POLR1E: variants seen among roughly 807,000 people sequenced by gnomAD.
POLR1E encodes DNA-directed RNA polymerase I subunit RPA49.
In POLR1E, 37 loss-of-function variants were observed where a neutral mutation model predicts 50.9. That is an observed-to-expected ratio of 0.73 (90% CI 0.56 to 0.96). POLR1E has a LOEUF of 0.96. Among genes scored for constraint, POLR1E ranks in the 40% least tolerant of loss-of-function variants. The pLI, the probability that POLR1E is intolerant of heterozygous loss-of-function variation, is 0.00. For synonymous variants in POLR1E, 166 were observed against 191.6 expected (o/e 0.87, Z 1.10); for missense variants, 426 against 518.1 (o/e 0.82, Z 1.73).
At chr9:37,497,981 G>A (rs1820813585) in intron 8 of POLR1E, 110 bp from the exon 9 acceptor site, 4 of 1,266,268 alleles carry the variant, frequency 3.2e-6, no homozygotes, top group Non-Finnish European at 3.3e-6. Flanking sequence ...ATCAGCTGTT[G>A]AGTGCGTCGG....
At chr9:37,499,321 A>T (rs966474309) in intron 9 of POLR1E, among the ~76,000 whole-genome samples, 7 of 152,016 alleles carry the variant, frequency 4.6e-5, no homozygotes, top group Non-Finnish European at 8.8e-5. Flanking sequence ...GCTATTTGGG[A>T]GGCTGAAGCA....
intron 4 of POLR1E, among the ~76,000 whole-genome samples, chr9:37,491,449 A>G (rs1044490447): frequency 1.3e-5 from 2 of 150,412 alleles, no homozygotes; most frequent in Admixed American, 6.7e-5. Context: ...TTTTTTTAAT[A>G]TGGGATTTTA....
At chr9:37,487,991 G>A (rs1820609432) in intron 3 of POLR1E, 52 bp downstream of exon 3, 1 of 1,551,574 alleles carries the variant, frequency 6.4e-7, no homozygotes, top group African/African-American at 1.4e-5. Flanking sequence ...GGGAGTGGTG[G>A]CAGCACTGGC....
chr9:37,486,251 C>T (rs1820572727), intron 1 of POLR1E, 128 bp downstream of exon 1: 4 of 1,297,720 alleles, frequency 3.1e-6, no homozygotes, highest in African/African-American at 1.5e-5. Flanking sequence ...GTCTCCACCA[C>T]TCCCCTGGGC....
At chr9:37,492,969 A>T (rs1820712220) in intron 5 of POLR1E, among the ~76,000 whole-genome samples, 1 of 152,214 alleles carries the variant, frequency 6.6e-6, no homozygotes, top group South Asian at 2.1e-4. Context: ...CTGGGCTGAT[A>T]CAAGTGTAGC....
chr9:37,493,374 A>G (rs755957268), intron 5 of POLR1E, among the ~76,000 whole-genome samples, 185 bp from the exon 6 acceptor site: 3 of 152,168 alleles, frequency 2.0e-5, no homozygotes, highest in Non-Finnish European at 4.4e-5. Flanking sequence ...CTGTTGATTG[A>G]TCAATCTGTT....
chr9:37,490,689 A>T (rs145854942), intron 4 of POLR1E: 15 of 696,430 alleles, frequency 2.2e-5, no homozygotes, highest in African/African-American at 1.9e-4. Flanking sequence ...TGCCAGCAGC[A>T]TGCTAAACTG....
chr9:37,503,393 A>G lies in POLR1E; in HGVS notation c.*191A>G, dbSNP rs564422077. On this transcript the variant is annotated 3_prime_UTR_variant, in exon 12 of 12. Transcript: ENST00000377798. The stretch of plus-strand genomic sequence containing the variant: ...GGAGTTTGAAACCAGTCTGGACAAC[A>G]TAGGGAGACCCCATCTCTACCGGAG... 6 of 545,688 alleles carry G rather than the reference A, an allele frequency of 1.1e-5. No individual in the cohort carries two copies. The South Asian group carries it at 1.5e-4, about 14-fold the overall frequency. The allele number at this position is 545,688 out of a possible 1,614,324, so 33.8% of individuals were successfully genotyped here.
Position 37,498,139 on chromosome 9 carries a change from G to A in POLR1E, c.801G>A (p.Val267=). 6.2e-7 allele frequency: 1 copy of A among 1,613,992 alleles called. No individual in the cohort carries two copies. Among genetic ancestry groups the A allele is most frequent in the Non-Finnish European group, 8.5e-7 (1 of 1,179,948 alleles). ...CGTTGAAGTCTTTGCCATCAGATGTGGAGAGCCGAGACCGCCAGGCCCGAT... is the reference window on the plus strand; with the variant it reads ...CGTTGAAGTCTTTGCCATCAGATGTAGAGAGCCGAGACCGCCAGGCCCGAT... ...IEALKSLPSD[V]ESRDRQARCI... is the part of the protein sequence containing the mutation. Residue 267 remains valine, a synonymous_variant, in exon 9 of 12, where the codon GTG becomes GTA. Coordinates refer to ENST00000377798, the MANE Select transcript of POLR1E (RefSeq NM_022490.4).
At chr9:37,496,346 C>T (rs1820784910) in intron 8 of POLR1E, among the ~76,000 whole-genome samples, 4 of 152,076 alleles carry the variant, frequency 2.6e-5, no homozygotes, top group Admixed American at 2.6e-4. Context: ...GTGATGGTTT[C>T]TCTGTGATGA....
At chr9:37,499,291 G>A (rs573825651) in intron 9 of POLR1E, among the ~76,000 whole-genome samples, 1 of 152,138 alleles carries the variant, frequency 6.6e-6, no homozygotes, top group African/African-American at 2.4e-5. Flanking sequence ...TAGCTGGGGT[G>A]GTGCACGCCT....
Position 37,503,129 on chromosome 9 carries a change from T to C in POLR1E, c.1187T>C (p.Leu396Pro), listed in dbSNP as rs991908880. The C allele has an allele frequency of 1.9e-6, 3 of 1,613,724 alleles. No homozygotes were observed. The highest frequency in any genetic ancestry group is 2.5e-6 in the Non-Finnish European group (3 of 1,179,976). The change falls in exon 12 of 12, where the codon CTG becomes CCG. Residue 396 changes from leucine (L) to proline (P), a missense_variant. Coordinates refer to ENST00000377798, the MANE Select transcript of POLR1E (RefSeq NM_022490.4). ...VAAGSEEDHK[L>P]GTLSLPLPPA... ...GCCGGCAGTGAAGAAGATCACAAGC[T>C]GGGCACCCTGTCCCTCCCGCTGCCT...
chr9:37,490,536 C>T, intron 4 of POLR1E: 3 of 754,202 alleles, frequency 4.0e-6, no homozygotes, highest in East Asian at 5.0e-5. Flanking sequence ...AACCCAGGTA[C>T]CTTTCTCTTT....
At chr9:37,490,361 T>A in intron 4 of POLR1E, 1 of 602,544 alleles carries the variant, frequency 1.7e-6, no homozygotes, top group Non-Finnish European at 3.0e-6. Context: ...ACACCACACT[T>A]CTACTCAATG....
intron 9 of POLR1E, 22 bp from the exon 10 acceptor site, chr9:37,500,818 C>G (rs1820872991): frequency 6.3e-7 from 1 of 1,590,490 alleles, no homozygotes; most frequent in Non-Finnish European, 8.6e-7. Context: ...AGAAAATGAT[C>G]AAACTCAACT....
At chr9:37,486,352 G>A (rs1205808190) in intron 1 of POLR1E, 3 of 1,434,670 alleles carry the variant, frequency 2.1e-6, no homozygotes, top group African/African-American at 1.4e-5. Flanking sequence ...CTGTGTCCAG[G>A]ACCCTGCTGA....
intron 3 of POLR1E, 90 bp downstream of exon 3, chr9:37,488,029 T>G (rs1588798162): frequency 7.5e-7 from 1 of 1,328,540 alleles, no homozygotes; most frequent in Non-Finnish European, 1.1e-6. Flanking sequence ...GTTTTAAGGG[T>G]AGCAGGAGCC....
intron 7 of POLR1E, among the ~76,000 whole-genome samples, chr9:37,495,636 A>G (rs531249810): frequency 6.6e-6 from 1 of 152,280 alleles, no homozygotes; most frequent in Admixed American, 6.5e-5. Context: ...TCACCACCCA[A>G]GGGGTCCGGT....
intron 9 of POLR1E, among the ~76,000 whole-genome samples, chr9:37,498,461 T>C (rs908214950): frequency 6.6e-6 from 1 of 152,238 alleles, no homozygotes; most frequent in Non-Finnish European, 1.5e-5. Context: ...TATATGATAG[T>C]TCAGGGTCCT....
Sources: gnomAD v4.1 joint callset for allele counts (sites outside exome capture counted in the v4.1 genomes callset) on GRCh38, gnomAD v4.1.1 for gene constraint, MANE v1.5 for transcripts, NCBI Gene and HGNC (gene_info 2026-07-23, HGNC 2026-07-21) for gene names.